Variants in PLEKHH2 observed in about 807,000 individuals in gnomAD.
The protein encoded by PLEKHH2 is pleckstrin homology domain-containing family H member 2.
PLEKHH2 carries 129 observed loss-of-function variants against 187.9 expected under a neutral mutation model. The ratio of observed to expected loss-of-function variants is 0.69; its 90% CI spans 0.59 to 0.79. The LOEUF is 0.79. Ranked by LOEUF, PLEKHH2 falls within the 30% of genes least tolerant of loss-of-function variation. The pLI is 0.00. For missense variants in PLEKHH2, 2,076 were observed against 1,751.2 expected, an observed-to-expected ratio of 1.19 and a Z score of -3.31; for synonymous variants, 686 against 605.6, an observed-to-expected ratio of 1.13 and a Z score of -1.95.
At chr2:43,736,564 G>T (rs1671303271) in intron 19 of PLEKHH2, among the ~76,000 whole-genome samples, 1 of 152,128 alleles carries the variant, frequency 6.6e-6, no homozygotes, top group African/African-American at 2.4e-5. Context: ...ATCGGGCGCG[G>T]TGGCTCACCC....
intron 3 of PLEKHH2, among the ~76,000 whole-genome samples, chr2:43,682,080 A>G (rs2104436932): frequency 6.6e-6 from 1 of 152,250 alleles, no homozygotes; most frequent in East Asian, 1.9e-4. Context: ...ACACTGGACT[A>G]TTGAAAAGCA....
chr2:43,666,327 TCGGCTCGCGCACGGTGCGCA>T (rs1667208128), intron 2 of PLEKHH2, among the ~76,000 whole-genome samples: 1 of 151,310 alleles, frequency 6.6e-6, no homozygotes, highest in Admixed American at 6.6e-5. Context: ...TCGCCCTGCT[TCGGCTCGCGCACGGTGCGCA>T]CACCCACTGG....
intron 15 of PLEKHH2, 50 bp downstream of exon 15, chr2:43,712,433 C>T (rs1475881177): frequency 1.3e-6 from 2 of 1,555,688 alleles, no homozygotes; most frequent in Non-Finnish European, 1.7e-6. Flanking sequence ...TGGGCATGAG[C>T]CCATGATCGC....
At chr2:43,738,581 G>A (rs1572644186) in intron 20 of PLEKHH2, 61 bp downstream of exon 20, 2 of 1,431,004 alleles carry the variant, frequency 1.4e-6, no homozygotes, top group East Asian at 2.3e-5. Flanking sequence ...CTGATTGTAA[G>A]AATGATACAC....
At chr2:43,703,916 CTTTTTTTTTT>C (rs10530805) in intron 8 of PLEKHH2, 55 bp from the exon 9 acceptor site, 1,382 of 386,138 alleles carry the variant, frequency 3.6e-3, no homozygotes, top group Non-Finnish European at 4.3e-3. Context: ...TGAAAGTAGT[CTTTTTTTTTT>C]TTTTTTTTTT....
At chr2:43,710,154 GCAGT>G (rs748616368) in intron 12 of PLEKHH2, 28 bp downstream of exon 12, 22 of 1,609,554 alleles carry the variant, frequency 1.4e-5, no homozygotes, top group African/African-American at 4.0e-5. Context: ...TTTTTAAAAA[GCAGT>G]CAGTCAGATT....
intron 3 of PLEKHH2, among the ~76,000 whole-genome samples, chr2:43,686,456 CA>C (rs941656245): frequency 2.6e-5 from 4 of 152,196 alleles, no homozygotes; most frequent in African/African-American, 7.2e-5. Context: ...CTTGGCCTCC[CA>C]AAGTGTTGGG....
rs1558514933 is a variant in PLEKHH2 at position 43,699,917 on chromosome 2, TG to T, written c.962del (p.Gly321GlufsTer6). On this transcript the variant is annotated frameshift_variant, in exon 8 of 30. Transcript: ENST00000282406. LOFTEE classifies it high-confidence loss of function. ...GAGGAAGGGGTCCAGTGTAGCAGGA[TG>T]GGAAGTGAAATGTATCTGACAGCAT... is the stretch of plus-strand genomic sequence containing the variant. ...TSEEGVQCSR[M>X]GSEMYLTASD... The T allele has an allele frequency of 1.7e-5, 28 of 1,614,016 alleles. No individual in the cohort carries two copies. Among genetic ancestry groups the T allele is most frequent in the Non-Finnish European group, 2.4e-5 (28 of 1,179,982 alleles).
chr2:43,714,190 A>G (rs1382232097), intron 15 of PLEKHH2, among the ~76,000 whole-genome samples: 1 of 152,190 alleles, frequency 6.6e-6, no homozygotes, highest in Non-Finnish European at 1.5e-5. Flanking sequence ...AGGGTTTATT[A>G]CTTCCCCCAC....
At chr2:43,716,289 G>C (rs1457249957) in intron 15 of PLEKHH2, among the ~76,000 whole-genome samples, 1 of 152,170 alleles carries the variant, frequency 6.6e-6, no homozygotes, top group African/African-American at 2.4e-5. Flanking sequence ...CACACTGGAA[G>C]GGCTGAAACT....
At chr2:43,675,028 T>G (rs1667671945) in intron 2 of PLEKHH2, 1 of 169,804 alleles carries the variant, frequency 5.9e-6, no homozygotes, top group South Asian at 2.0e-4. Flanking sequence ...CAGTTAAATA[T>G]GTGGCCATAC....
At chr2:43,699,616 C>T in intron 7 of PLEKHH2, 31 bp from the exon 8 acceptor site, 2 of 1,586,326 alleles carry the variant, frequency 1.3e-6, no homozygotes, top group East Asian at 2.2e-5. Flanking sequence ...TTCTTAAAGG[C>T]AGCATGCTGA....
At chr2:43,687,074 G>C (rs540074695) in intron 3 of PLEKHH2, among the ~76,000 whole-genome samples, 1 of 152,060 alleles carries the variant, frequency 6.6e-6, no homozygotes, top group Admixed American at 6.6e-5. Context: ...GCTGAGGTTT[G>C]GGATATGGAT....
At chr2:43,637,498 G>A (rs1703162505) in intron 1 of PLEKHH2, 119 bp downstream of exon 1, 1 of 152,564 alleles carries the variant, frequency 6.6e-6, no homozygotes, top group African/African-American at 2.4e-5. Context: ...GCGCCGGGAG[G>A]AGCGGGAAGG....
intron 27 of PLEKHH2, among the ~76,000 whole-genome samples, chr2:43,759,325 C>G (rs1355380256): frequency 6.6e-6 from 1 of 152,190 alleles, no homozygotes; most frequent in Admixed American, 6.5e-5. Context: ...CACATGTTTA[C>G]TCTGTCACTC....
chr2:43,639,384 ACC>A (rs1558395945), intron 1 of PLEKHH2, among the ~76,000 whole-genome samples: 28 of 152,072 alleles, frequency 1.8e-4, no homozygotes, highest in African/African-American at 6.3e-4. Flanking sequence ...TATTTTCATC[ACC>A]CCAAAAAGAA....
intron 3 of PLEKHH2, among the ~76,000 whole-genome samples, chr2:43,684,490 AAATT>A (rs1668396450): frequency 6.6e-6 from 1 of 152,180 alleles, no homozygotes; most frequent in Non-Finnish European, 1.5e-5. Context: ...AAATTAAACT[AAATT>A]AAGTATTTTT....
chr2:43,668,986 C>G lies in PLEKHH2; in HGVS notation c.124-9877C>G, dbSNP rs186939432. Among the ~76,000 whole-genome samples, 5 of 152,230 alleles carry G rather than the reference C, an allele frequency of 3.3e-5. No individual in the cohort carries two copies. In the East Asian group the frequency reaches 9.7e-4, roughly 29 times the overall value. On this transcript the variant is annotated intron_variant, in intron 2 of 29. Transcript: ENST00000282406. ...CTAACTTGAGAGAACTCTGGATGAT[C>G]AAGGAGTAGGGAATGGTCAGCTGGT...
intron 2 of PLEKHH2, among the ~76,000 whole-genome samples, chr2:43,649,721 G>T (rs1280220597): frequency 6.6e-6 from 1 of 152,158 alleles, no homozygotes; most frequent in Non-Finnish European, 1.5e-5. Context: ...TTTGGTTACT[G>T]GTTGAAGATA....
Sources: gnomAD v4.1 joint callset for allele counts (sites outside exome capture counted in the v4.1 genomes callset) on GRCh38, gnomAD v4.1.1 for gene constraint, MANE v1.5 for transcripts, NCBI Gene and HGNC (gene_info 2026-07-23, HGNC 2026-07-21) for gene names.